The following ZNF75A variants were observed in gnomAD, a reference collection of about 807,000 sequenced individuals.
ZNF75A encodes zinc finger protein 75A.
Under a neutral mutation model 46.3 loss-of-function variants are expected in ZNF75A, and 36 were observed. The ratio of observed to expected loss-of-function variants is 0.78; its 90% confidence interval spans 0.60 to 1.03. ZNF75A has a LOEUF of 1.03. Among genes scored for constraint, ZNF75A ranks in the 50% least tolerant of loss-of-function variants. ZNF75A has a pLI of 0.00. For missense variants in ZNF75A, 595 were observed against 551.3 expected (o/e 1.08, Z -0.79); for synonymous variants, 234 against 189.9 (o/e 1.23, Z -1.91).
Position 3,317,794 on chromosome 16 carries a change from A to G in ZNF75A, c.1539A>G (p.Pro513=), listed in dbSNP as rs1391045120. ...GGAGAACCCACACAGGTGAGCAGCC[A>G]TATACTTGTAGCATATGCAGGAGAA... The part of the protein sequence containing the change: ...KHRRTHTGEQ[P]YTCSICRRNF... The change falls in exon 7 of 7, where the codon CCA becomes CCG. Residue 513 remains proline (P), a synonymous_variant. Transcript: ENST00000669516. The G allele has an allele frequency of 6.2e-7, 1 of 1,614,214 alleles. No homozygotes were observed. Among genetic ancestry groups the G allele is most frequent in the East Asian group, 2.2e-5 (1 of 44,882 alleles).
chr16:3,311,052 T>A, intron 2 of ZNF75A: 2 of 647,688 alleles, frequency 3.1e-6, no homozygotes, highest in Non-Finnish European at 3.8e-6. Flanking sequence ...TTAAATTCAT[T>A]TATTTGAATT....
chr16:3,306,463 C>T (rs1273887133), intron 1 of ZNF75A: 1 of 152,152 alleles, frequency 6.6e-6, no homozygotes, highest in African/African-American at 2.4e-5. Flanking sequence ...CCTGTAATCC[C>T]AGCACTTTGG....
At chr16:3,310,319 G>A (rs763468130) in intron 2 of ZNF75A, among the ~76,000 whole-genome samples, 4 of 151,830 alleles carry the variant, frequency 2.6e-5, no homozygotes, top group Admixed American at 6.6e-5. Flanking sequence ...GCTTGAACTC[G>A]GGAGGCAGAG....
rs1445179074 is a variant in ZNF75A, at chr16:3,317,851, C to G, written c.1596C>G (p.His532Gln). Residue 532 changes from histidine to glutamine, a missense_variant, in exon 7 of 7, where the codon CAC (histidine) becomes CAG (glutamine). His to Gln is a conservative substitution (Grantham distance 24). Coordinates refer to ENST00000669516, the MANE Select transcript of ZNF75A (RefSeq NM_001302109.2). Reference sequence around the variant, plus strand: ...GCAGGCGGTCAAGCCTTCTTAGACACCAGAAACTCCACCTGTGAAGAGAAG... The same window carrying G: ...GCAGGCGGTCAAGCCTTCTTAGACAGCAGAAACTCCACCTGTGAAGAGAAG... ...NFSRRSSLLR[H>Q]QKLHL is the part of the protein sequence containing the mutation. 1 of 1,608,058 alleles carries G rather than the reference C, an allele frequency of 6.2e-7. No individual in the cohort carries two copies. Among genetic ancestry groups the G allele is most frequent in the Admixed American group, 1.7e-5 (1 of 59,346 alleles).
In ZNF75A at chr16:3,308,946, G is replaced by T. The variant is rs182090678; in HGVS notation, c.408+110G>T. On this transcript the variant is annotated intron_variant, in intron 2 of 6. Transcript: ENST00000669516. Reference sequence around the variant, plus strand: ...GATGGATTAGGTAGGTCATTGTTTGGTTTTTTTTTTAAGGACAGTTAAGGT... The same window carrying T: ...GATGGATTAGGTAGGTCATTGTTTGTTTTTTTTTTTAAGGACAGTTAAGGT... 9.9e-3 allele frequency: 6,224 copies of T among 631,788 alleles called. 25 individuals carry two copies. The highest frequency in any genetic ancestry group is 0.011 in the Admixed American group (171 of 15,544). The allele number at this position is 631,788 out of a possible 1,614,324, so 39.1% of individuals were successfully genotyped here. A position where few individuals can be genotyped will look rare whatever the true frequency, so the allele number is the denominator to read the frequency against.
At position 3,317,309 on chromosome 16, in the gene ZNF75A, G is replaced by A. The variant is rs150000368; in HGVS notation, c.1054G>A (p.Ala352Thr). ...CAAAGTAAAAGTTCCCCAGAAAACA[G>A]CAGGCAAAGAAAATCATTTTGATAT... is the stretch of plus-strand genomic sequence containing the variant. ...KAKVKVPQKT[A>T]GKENHFDMHR... Residue 352 changes from alanine to threonine, a missense_variant, in exon 7 of 7, where the codon GCA becomes ACA. Ala to Thr is a moderately conservative substitution (Grantham distance 58). Transcript: ENST00000669516. 71 of 1,614,030 alleles carry A rather than the reference G, an allele frequency of 4.4e-5. 1 individual carries two copies. The African/African-American group carries it at 8.8e-4, about 20-fold the overall frequency.
rs986295827 is a variant in ZNF75A, at chr16:3,318,660, A to C, written c.*791A>C. ...GCCTGAAAGAGAATTAGTGGGAATT[A>C]AGATCAACTTCTCAGTTTTGTTTGT... On this transcript the variant is annotated 3_prime_UTR_variant, in exon 7 of 7. Coordinates refer to ENST00000669516, the MANE Select transcript of ZNF75A (RefSeq NM_001302109.2). 2 of 985,446 alleles carry C rather than the reference A, an allele frequency of 2.0e-6. No homozygotes were observed. Among genetic ancestry groups the C allele is most frequent in the African/African-American group, 3.5e-5 (2 of 57,362 alleles). The allele number at this position is 985,446 out of a possible 1,614,324, so 61.0% of individuals were successfully genotyped here.
rs978325056 is a variant in ZNF75A, at chr16:3,314,605, G to A, written c.823+1430G>A. The A allele has an allele frequency of 2.2e-5, 20 of 926,544 alleles. No homozygotes were observed. The African/African-American group carries it at 2.7e-4, about 12-fold the overall frequency. The allele number at this position is 926,544 out of a possible 1,614,324, so 57.4% of individuals were successfully genotyped here. A position where few individuals can be genotyped will look rare whatever the true frequency, so the allele number is the denominator to read the frequency against. ...CCTTGGCTCCTTTTCTTCTGCCTTCGCCCCCGTGGGCCCCCGCCTTTTTTT... is the reference window on the plus strand; with the variant it reads ...CCTTGGCTCCTTTTCTTCTGCCTTCACCCCCGTGGGCCCCCGCCTTTTTTT... On this transcript the variant is annotated intron_variant, in intron 5 of 6. Transcript: ENST00000669516.
intron 2 of ZNF75A, chr16:3,311,062 T>C: frequency 1.7e-6 from 1 of 604,576 alleles, no homozygotes; most frequent in Non-Finnish European, 2.1e-6. Flanking sequence ...TTATTTGAAT[T>C]TTAGAGAAAA....
Position 3,313,165 on chromosome 16 carries a change from C to T in ZNF75A, c.813C>T (p.Val271=), listed in dbSNP as rs1432409279. The T allele has an allele frequency of 1.9e-6, 3 of 1,613,920 alleles. No individual in the cohort carries two copies. Among genetic ancestry groups the T allele is most frequent in the East Asian group, 2.2e-5 (1 of 44,880 alleles). The change falls in exon 5 of 7, where the codon GTC becomes GTT. Residue 271 remains valine (V), a synonymous_variant. Coordinates refer to ENST00000669516, the MANE Select transcript of ZNF75A (RefSeq NM_001302109.2). ...TAATGCAGGAAAACTATGAGACTGT[C>T]ATCTCTCTAGGTAAAGATTTTCCCT... ...NDVMQENYET[V]ISLALFVLPK...
At chr16:3,310,541 CCT>C (rs1311900314) in intron 2 of ZNF75A, 1 of 392,148 alleles carries the variant, frequency 2.6e-6, no homozygotes, top group African/African-American at 2.2e-5. Context: ...GGGAGGATCA[CCT>C]GAGCCTGGGG....
At chr16:3,309,415 A>C (rs1032446495) in intron 2 of ZNF75A, 3 of 143,670 alleles carry the variant, frequency 2.1e-5, no homozygotes, top group Non-Finnish European at 4.5e-5. Context: ...GCACCATTGC[A>C]CTCCAGCCTG....
chr16:3,310,797 A>G (rs1029752231), intron 2 of ZNF75A: 1 of 985,484 alleles, frequency 1.0e-6, no homozygotes, highest in Non-Finnish European at 1.2e-6. Flanking sequence ...GAAAGTCTCT[A>G]CTGCCTTCCC....
rs1405676211 is a variant in ZNF75A at position 3,317,716 on chromosome 16, A to G, written c.1461A>G (p.Thr487=). Residue 487 remains threonine, a synonymous_variant, in exon 7 of 7, where the codon ACA becomes ACG. Coordinates refer to ENST00000669516, the MANE Select transcript of ZNF75A (RefSeq NM_001302109.2). ...CTCATACAGGAGAAAAGCCCTTCACATGTCATGAATGTGGAAAAAAATTCA... is the reference window on the plus strand; with the variant it reads ...CTCATACAGGAGAAAAGCCCTTCACGTGTCATGAATGTGGAAAAAAATTCA... ...QRTHTGEKPF[T]CHECGKKFSQ... 6.2e-7 allele frequency: 1 copy of G among 1,614,232 alleles called. No individual in the cohort carries two copies. The highest frequency in any genetic ancestry group is 1.7e-5 in the Admixed American group (1 of 60,032).
Position 3,317,907 on chromosome 16 carries a change from C to T in ZNF75A, c.*38C>T, listed in dbSNP as rs1226106713. The T allele has an allele frequency of 6.6e-7, 1 of 1,526,112 alleles. No homozygotes were observed. The highest frequency in any genetic ancestry group is 8.8e-7 in the Non-Finnish European group (1 of 1,138,232). 94.5% of individuals were successfully genotyped at this position (1,526,112 alleles called of 1,614,324 possible). ...CCAGTGTCCTCATTCTGAAGACATT[C>T]ACCAAATGGAGCTTGGCACTAAAAT... On this transcript the variant is annotated 3_prime_UTR_variant, in exon 7 of 7. Transcript: ENST00000669516.
intron 5 of ZNF75A, chr16:3,316,244 C>G (rs1283716144): frequency 6.6e-6 from 1 of 152,298 alleles, no homozygotes; most frequent in South Asian, 2.1e-4. Flanking sequence ...ATATCCCTAG[C>G]CCTCGAGCAG....
chr16:3,310,946 G>A (rs1219393008), intron 2 of ZNF75A: 2 of 985,278 alleles, frequency 2.0e-6, no homozygotes, highest in Admixed American at 6.2e-5. Flanking sequence ...ATCATCTGGA[G>A]GTAGGTTGGA....
chr16:3,322,431 G>A (rs530281130), downstream of ZNF75A, among the ~76,000 whole-genome samples: 3 of 152,280 alleles, frequency 2.0e-5, no homozygotes, highest in South Asian at 2.1e-4. Flanking sequence ...TTCTTCAGTC[G>A]AGCGTCTGTA....
Position 3,308,349 on chromosome 16 carries a change from C to T in ZNF75A, c.-80C>T. 1 of 930,610 alleles carries T rather than the reference C, an allele frequency of 1.1e-6. No homozygotes were observed. The highest frequency in any genetic ancestry group is 1.3e-6 in the Non-Finnish European group (1 of 779,478). The allele number at this position is 930,610 out of a possible 1,614,324, so 57.6% of individuals were successfully genotyped here. ...AGAAGATCCTTTTATTGCTTTTGTA[C>T]AAGACCAGACAGGATCTCATTTGTT... On this transcript the variant is annotated 5_prime_UTR_variant, in exon 2 of 7. Transcript: ENST00000669516.
Sources: allele counts gnomAD v4.1 joint callset (sites outside exome capture counted in the v4.1 genomes callset), GRCh38; gene constraint gnomAD v4.1.1; transcripts MANE v1.5; gene names NCBI Gene and HGNC (gene_info 2026-07-23, HGNC 2026-07-21).